Variants in SLC15A1 observed in about 807,000 individuals in gnomAD.
SLC15A1 encodes solute carrier family 15 member 1, also known as Caco-2 oligopeptide transporter.
A neutral mutation model predicts 92.9 loss-of-function variants in SLC15A1; 83 were observed. The ratio of observed to expected loss-of-function variants is 0.89; its 90% confidence interval spans 0.75 to 1.07. SLC15A1 has a LOEUF of 1.07. Among genes scored for constraint, SLC15A1 ranks in the 50% least tolerant of loss-of-function variants. SLC15A1 has a pLI of 0.00. For synonymous variants in SLC15A1, 322 were observed against 318.2 expected (o/e 1.01, Z -0.13); for missense variants, 857 against 880.1 (o/e 0.97, Z 0.33).
chr13:98,694,888 T>C (rs1322458299), intron 18 of SLC15A1, among the ~76,000 whole-genome samples: 1 of 151,624 alleles, frequency 6.6e-6, no homozygotes, highest in Admixed American at 6.6e-5. Flanking sequence ...ATTAGCTGGG[T>C]GTGGTGGCAT....
chr13:98,686,230 A>G lies in SLC15A1; in HGVS notation c.1895T>C (p.Ile632Thr), dbSNP rs1412125149. The change falls in exon 22 of 23, where the codon ATT (isoleucine) becomes ACT (threonine). Residue 632 changes from isoleucine (I) to threonine (T), a missense_variant. Transcript: ENST00000376503. ...GCCTGCCCCTGCCACGATGAGCACA[A>G]TGATGTTGCCAACAGCCACGGTCAG... Reference protein sequence around the residue: ...WLLTVAVGNIIVLIVAGAGQF... With the variant: ...WLLTVAVGNITVLIVAGAGQF... 5.6e-6 allele frequency: 9 copies of G among 1,613,782 alleles called. No homozygotes were observed. The East Asian group carries it at 1.3e-4, about 24-fold the overall frequency.
intron 16 of SLC15A1, among the ~76,000 whole-genome samples, chr13:98,705,805 A>C (rs1292374069): frequency 6.6e-6 from 1 of 152,000 alleles, no homozygotes; most frequent in Non-Finnish European, 1.5e-5. Flanking sequence ...GGCAGAAGAA[A>C]TGCTTGAACG....
Position 98,728,998 on chromosome 13 carries a change from AAAAAAAAAC to A in SLC15A1, c.5-2148_5-2140del, listed in dbSNP as rs1171173976. On this transcript the variant is annotated intron_variant, in intron 1 of 22. Coordinates refer to ENST00000376503, the MANE Select transcript of SLC15A1 (RefSeq NM_005073.4). ...TCTGTAAAAAAAAAAAAAAAAAAAA[AAAAAAAAAC>A]AACAAGCCCCAAAACAAAAAACAAA... 5.8e-4 allele frequency among the ~76,000 whole-genome samples: 85 copies of A among 147,376 alleles called. 3 individuals are homozygous for A. The East Asian group carries it at 6.6e-3, about 11-fold the overall frequency.
chr13:98,689,127 G>T (rs1404692601), intron 18 of SLC15A1, among the ~76,000 whole-genome samples: 1 of 152,120 alleles, frequency 6.6e-6, no homozygotes, highest in South Asian at 2.1e-4. Flanking sequence ...TTTAGTAGAG[G>T]TGGGGTTTCG....
Position 98,721,593 on chromosome 13 carries a change from G to A in SLC15A1, c.466-8C>T. ...TCTGTTTCTTTGTTTCTCCTGCAATGAAAAGGAGAAAGTAAGATGACTTTG... is the reference window on the plus strand; with the variant it reads ...TCTGTTTCTTTGTTTCTCCTGCAATAAAAAGGAGAAAGTAAGATGACTTTG... On this transcript the variant is annotated splice_region_variant and splice_polypyrimidine_tract_variant and intron_variant, in intron 6 of 22. Transcript: ENST00000376503. 6.3e-7 allele frequency: 1 copy of A among 1,575,120 alleles called. No individual in the cohort carries two copies. Among genetic ancestry groups the A allele is most frequent in the Non-Finnish European group, 8.7e-7 (1 of 1,151,902 alleles).
chr13:98,725,328 T>C (rs2088289892), intron 4 of SLC15A1, among the ~76,000 whole-genome samples: 1 of 152,184 alleles, frequency 6.6e-6, no homozygotes, highest in African/African-American at 2.4e-5. Context: ...GAGCCTCTAC[T>C]TCCTTCTTCA....
At chr13:98,698,915 C>T (rs1008057595) in intron 18 of SLC15A1, among the ~76,000 whole-genome samples, 11 of 152,158 alleles carry the variant, frequency 7.2e-5, no homozygotes, top group African/African-American at 2.2e-4. Flanking sequence ...TGGGGTTGAA[C>T]GTTGAGGTGA....
In SLC15A1 at chr13:98,728,989, A is replaced by C. The variant is rs868810781; in HGVS notation, c.5-2130T>G. ...GAGTAAGGCTCTGTAAAAAAAAAAA[A>C]AAAAAAAAAAAAAAAAACAACAAGC... On this transcript the variant is annotated intron_variant, in intron 1 of 22. Coordinates refer to ENST00000376503, the MANE Select transcript of SLC15A1 (RefSeq NM_005073.4). 6.6e-3 allele frequency among the ~76,000 whole-genome samples: 967 copies of C among 146,098 alleles called. 41 individuals carry two copies. The highest frequency in any genetic ancestry group is 0.029 in the South Asian group (133 of 4,564).
intron 15 of SLC15A1, among the ~76,000 whole-genome samples, chr13:98,707,891 T>TTTTAAAAAAAAAAAAA (rs1315915894): frequency 9.4e-6 from 1 of 106,850 alleles, no homozygotes; most frequent in Admixed American, 1.1e-4. Context: ...AGACCCTGTT[T>TTTTAAAAAAAAAAAAA]AAAAAAAAAA....
At chr13:98,749,561 C>A (rs541748602) in intron 1 of SLC15A1, among the ~76,000 whole-genome samples, 1 of 152,178 alleles carries the variant, frequency 6.6e-6, no homozygotes, top group African/African-American at 2.4e-5. Flanking sequence ...TATGATCCTA[C>A]GAAGGCTTCG....
At chr13:98,719,852 A>G (rs535383725) in intron 7 of SLC15A1, among the ~76,000 whole-genome samples, 1 of 152,356 alleles carries the variant, frequency 6.6e-6, no homozygotes, top group Non-Finnish European at 1.5e-5. Flanking sequence ...TAGACAATAC[A>G]TCAATGAATG....
chr13:98,696,296 C>T (rs1459314195), intron 18 of SLC15A1, among the ~76,000 whole-genome samples: 2 of 147,032 alleles, frequency 1.4e-5, no homozygotes, highest in African/African-American at 5.1e-5. Context: ...TGCCTGTAAT[C>T]CCAGCTACTC....
Position 98,726,422 on chromosome 13 carries a change from A to T in SLC15A1, c.49T>A (p.Phe17Ile). 1 of 1,614,180 alleles carries T rather than the reference A, an allele frequency of 6.2e-7. No homozygotes were observed. The highest frequency in any genetic ancestry group is 8.5e-7 in the Non-Finnish European group (1 of 1,180,028). Residue 17 changes from phenylalanine (F) to isoleucine (I), a missense_variant, in exon 3 of 23, where the codon TTC (phenylalanine) becomes ATC (isoleucine). Physicochemically the swap from Phe to Ile is conservative, Grantham distance 21. Transcript: ENST00000376503. ...CAAAACTCATTGACCACGATGAAGA[A>T]GATGCTCAGGGGATAACCAAAGAAA... is the stretch of plus-strand genomic sequence containing the variant. ...HSFFGYPLSI[F>I]FIVVNEFCER...
chr13:98,746,118 A>G (rs1170219685), intron 1 of SLC15A1, among the ~76,000 whole-genome samples: 1 of 152,108 alleles, frequency 6.6e-6, no homozygotes, highest in Non-Finnish European at 1.5e-5. Context: ...TACGTGGGAA[A>G]ATGCAGTGTT....
At position 98,726,292 on chromosome 13, in the gene SLC15A1, G is replaced by A. The variant is rs201876295; in HGVS notation, c.104-28C>T. On this transcript the variant is annotated intron_variant, in intron 3 of 22. Transcript: ENST00000376503. ...TTTGCAGAGGGCAGGTGGAAGAGGA[G>A]GGGGAAACAAAGTTAGGACTGGTTA... The A allele has an allele frequency of 8.3e-5, 134 of 1,613,674 alleles. No individual in the cohort carries two copies. In the East Asian group the frequency reaches 1.2e-3, roughly 14 times the overall value.
In SLC15A1 at chr13:98,726,351, A is replaced by G. The variant is rs1350259879; in HGVS notation, c.103+17T>C. 6.2e-7 allele frequency: 1 copy of G among 1,614,174 alleles called. No homozygotes were observed. The highest frequency in any genetic ancestry group is 8.5e-7 in the Non-Finnish European group (1 of 1,180,002). The stretch of plus-strand genomic sequence containing the variant: ...CCCGCTCTTCCCTGAAGGGTGAGAA[A>G]CGGCCAATACAGTTACCTCGCATTC... On this transcript the variant is annotated intron_variant, in intron 3 of 22. Coordinates refer to ENST00000376503, the MANE Select transcript of SLC15A1 (RefSeq NM_005073.4).
At chr13:98,691,563 T>A (rs2087976896) in intron 18 of SLC15A1, among the ~76,000 whole-genome samples, 1 of 152,326 alleles carries the variant, frequency 6.6e-6, no homozygotes. Context: ...GGTCTCACAA[T>A]ACATGGCGTA....
At chr13:98,686,802 A>G (rs2087932461) in intron 21 of SLC15A1, among the ~76,000 whole-genome samples, 1 of 152,200 alleles carries the variant, frequency 6.6e-6, no homozygotes, top group South Asian at 2.1e-4. Context: ...AATTGATGGT[A>G]CTAGGCATTG....
At chr13:98,699,567 T>G (rs1001216733) in intron 18 of SLC15A1, among the ~76,000 whole-genome samples, 6 of 152,226 alleles carry the variant, frequency 3.9e-5, no homozygotes, top group African/African-American at 1.4e-4. Flanking sequence ...TAACCAGAGC[T>G]TCTATAAACA....
Sources: gnomAD v4.1 joint callset for allele counts (sites outside exome capture counted in the v4.1 genomes callset) on GRCh38, gnomAD v4.1.1 for gene constraint, MANE v1.5 for transcripts, NCBI Gene and HGNC (gene_info 2026-07-23, HGNC 2026-07-21) for gene names.